Variants in GPM6A observed in about 807,000 individuals in gnomAD.
GPM6A encodes the protein neuronal membrane glycoprotein M6-a.
A neutral mutation model predicts 32.1 loss-of-function variants in GPM6A; 7 were observed. The observed-to-expected ratio is 0.22, with a 90% CI of 0.12 to 0.41. The LOEUF (loss-of-function observed/expected upper bound fraction) is 0.41, where lower values mean the gene tolerates loss of function less well. GPM6A is among the 10% of genes least tolerant of loss of function. The pLI is 1.00. For synonymous variants in GPM6A, 130 were observed against 123.4 expected, an observed-to-expected ratio of 1.05 and a Z score of -0.35; for missense variants, 235 against 347.2, an observed-to-expected ratio of 0.68 and a Z score of 2.57.
chr4:175,982,608 A>G (rs1448247732), intron 1 of GPM6A, among the ~76,000 whole-genome samples: 1 of 152,160 alleles, frequency 6.6e-6, no homozygotes, highest in Non-Finnish European at 1.5e-5. Context: ...TAATGTATAT[A>G]TCTATCCTCT....
chr4:176,001,331 G>T (rs559925025), intron 1 of GPM6A, among the ~76,000 whole-genome samples: 1 of 152,194 alleles, frequency 6.6e-6, no homozygotes, highest in East Asian at 1.9e-4. Context: ...CTCGGGCTGC[G>T]GGCTGAACGC....
At chr4:175,642,274 G>T (rs1741194376) in intron 4 of GPM6A, among the ~76,000 whole-genome samples, 1 of 152,056 alleles carries the variant, frequency 6.6e-6, no homozygotes, top group Non-Finnish European at 1.5e-5. Context: ...AAAAGCTTCT[G>T]GTCAAGGCTC....
chr4:175,809,829 A>G (rs963542795), intron 1 of GPM6A, among the ~76,000 whole-genome samples: 1 of 152,188 alleles, frequency 6.6e-6, no homozygotes, highest in Non-Finnish European at 1.5e-5. Flanking sequence ...AACATAGCAA[A>G]TTGCAATTAA....
At chr4:175,820,323 A>G (rs1161906232) in intron 1 of GPM6A, among the ~76,000 whole-genome samples, 1 of 152,066 alleles carries the variant, frequency 6.6e-6, no homozygotes, top group African/African-American at 2.4e-5. Context: ...CTTTCCTTAT[A>G]TCTTCTTCAG....
chr4:175,828,499 G>C lies in GPM6A; in HGVS notation c.-22-16250C>G, dbSNP rs550851584. ...TTGAAGACAATTGTTATTCTTTACA[G>C]AGTGATTCTGCTGTTTACAAACAAA... On this transcript the variant is annotated intron_variant, in intron 1 of 7. Transcript: ENST00000280187. Among the ~76,000 whole-genome samples the C allele has an allele frequency of 2.0e-5, 3 of 152,328 alleles. No individual in the cohort carries two copies. In the East Asian group the frequency reaches 5.8e-4, roughly 29 times the overall value.
At chr4:175,947,043 T>C (rs73873506) in intron 1 of GPM6A, among the ~76,000 whole-genome samples, 9,089 of 152,222 alleles carry the variant, frequency 0.06, 852 homozygotes, top group African/African-American at 0.2. Flanking sequence ...TGTGGCTTTC[T>C]TATTGCTTTC....
rs201161391 is a variant in GPM6A at position 175,775,572 on chromosome 4, T to TA, written c.37+36618dup. The stretch of plus-strand genomic sequence containing the variant: ...AGTTATTTTGCATTTCAAAATCAAG[T>TA]AAAAAAAAATGGCAAATTTGATGGA... On this transcript the variant is annotated intron_variant, in intron 1 of 6. Transcript: ENST00000393658. 1.7e-3 allele frequency among the ~76,000 whole-genome samples: 257 copies of TA among 151,148 alleles called. 1 individual carries two copies. Among genetic ancestry groups the TA allele is most frequent in the African/African-American group, 5.3e-3 (218 of 41,228 alleles).
At chr4:175,823,633 G>A (rs953336221) in intron 1 of GPM6A, among the ~76,000 whole-genome samples, 4 of 152,144 alleles carry the variant, frequency 2.6e-5, no homozygotes, top group Non-Finnish European at 5.9e-5. Flanking sequence ...TACACTATAT[G>A]GTGCATAGAG....
chr4:175,969,014 A>G (rs1054990645), intron 1 of GPM6A, among the ~76,000 whole-genome samples: 2 of 152,262 alleles, frequency 1.3e-5, no homozygotes, highest in East Asian at 3.8e-4. Flanking sequence ...GAAACAACCA[A>G]TATATCCTTC....
At chr4:175,736,929 T>C (rs1731685304) in intron 1 of GPM6A, among the ~76,000 whole-genome samples, 1 of 152,216 alleles carries the variant, frequency 6.6e-6, no homozygotes, top group East Asian at 1.9e-4. Context: ...TTGGTGATGC[T>C]GGTGTAAACA....
intron 1 of GPM6A, among the ~76,000 whole-genome samples, chr4:175,997,231 ATTG>A (rs1741336437): frequency 6.6e-6 from 1 of 152,118 alleles, no homozygotes; most frequent in Non-Finnish European, 1.5e-5. Context: ...AAAATAATAA[ATTG>A]TTGTTTTAAT....
At chr4:175,712,467 C>T (rs1197982936) in intron 1 of GPM6A, among the ~76,000 whole-genome samples, 2 of 152,198 alleles carry the variant, frequency 1.3e-5, no homozygotes, top group East Asian at 3.9e-4. Context: ...AGAAGGGGAA[C>T]AAGAAGTGCT....
intron 1 of GPM6A, among the ~76,000 whole-genome samples, chr4:175,752,404 G>A (rs190295348): frequency 2.0e-5 from 3 of 152,110 alleles, no homozygotes; most frequent in Middle Eastern, 3.4e-3. Context: ...GCCTTTTTCC[G>A]TGCTGTCCTT....
At chr4:176,002,147 G>A (rs1018590725) in intron 1 of GPM6A, among the ~76,000 whole-genome samples, 1 of 149,652 alleles carries the variant, frequency 6.7e-6, no homozygotes, top group African/African-American at 2.4e-5. Flanking sequence ...AGAAAAAAAA[G>A]TCCGGAGACA....
chr4:175,671,234 G>A (rs1288171259), intron 3 of GPM6A, among the ~76,000 whole-genome samples: 2 of 151,720 alleles, frequency 1.3e-5, no homozygotes, highest in East Asian at 1.9e-4. Context: ...TTATGCAGCA[G>A]AGAGAAACAG....
intron 2 of GPM6A, among the ~76,000 whole-genome samples, chr4:175,694,079 C>T (rs1405491526): frequency 6.6e-6 from 1 of 152,106 alleles, no homozygotes; most frequent in Non-Finnish European, 1.5e-5. Context: ...TCCCTAGAAG[C>T]CAAGCAGATG....
intron 1 of GPM6A, among the ~76,000 whole-genome samples, chr4:175,728,737 T>C (rs1731284912): frequency 6.6e-6 from 1 of 152,216 alleles, no homozygotes; most frequent in South Asian, 2.1e-4. Context: ...CCTCTCCCTG[T>C]TGCATTTCCC....
At chr4:175,828,546 T>G (rs1735507636) in intron 1 of GPM6A, among the ~76,000 whole-genome samples, 1 of 152,226 alleles carries the variant, frequency 6.6e-6, no homozygotes, top group African/African-American at 2.4e-5. Flanking sequence ...TGTAAGAGTA[T>G]TCATATTACA....
intron 1 of GPM6A, among the ~76,000 whole-genome samples, chr4:175,736,352 G>A (rs1304637738): frequency 6.6e-6 from 1 of 152,160 alleles, no homozygotes. Context: ...TTCTTAGAAG[G>A]AGGCATGTAT....
Sources: allele counts gnomAD v4.1 joint callset (sites outside exome capture counted in the v4.1 genomes callset), GRCh38; gene constraint gnomAD v4.1.1; transcripts MANE v1.5; gene names NCBI Gene and HGNC (gene_info 2026-07-23, HGNC 2026-07-21).